The following BCAS3 variants were observed in gnomAD, a reference collection of about 807,000 sequenced individuals.
BCAS3 encodes the protein BCAS3 microtubule associated cell migration factor.
Under a neutral mutation model 116.1 loss-of-function variants are expected in BCAS3, and 53 were observed. The ratio of observed to expected loss-of-function variants is 0.46; its 90% CI spans 0.37 to 0.57. The LOEUF (loss-of-function observed/expected upper bound fraction) is 0.57. Among genes scored for constraint, BCAS3 ranks in the 20% least tolerant of loss-of-function variants. BCAS3 has a pLI of 0.00. For missense variants in BCAS3, 917 were observed against 1,165.4 expected (o/e 0.79, Z 3.10); for synonymous variants, 391 against 408.2 (o/e 0.96, Z 0.51).
intron 14 of BCAS3, among the ~76,000 whole-genome samples, chr17:60,959,102 C>G (rs1443369201): frequency 6.6e-6 from 1 of 151,862 alleles, no homozygotes; most frequent in African/African-American, 2.4e-5. Flanking sequence ...CCCAGGAGTT[C>G]AAGACCAGAC....
Position 61,368,233 on chromosome 17 carries a change from CCTGGG to C in BCAS3, c.2426-93_2426-89del. The C allele has an allele frequency of 7.3e-7, 1 of 1,368,198 alleles. No individual in the cohort carries two copies. The highest frequency in any genetic ancestry group is 9.9e-7 in the Non-Finnish European group (1 of 1,005,504). The allele number at this position is 1,368,198 out of a possible 1,614,324, so 84.8% of individuals were successfully genotyped here. The stretch of plus-strand genomic sequence containing the variant: ...ATCCTACAGGAAGGCTACAATGGAC[CCTGGG>C]TATGGAGAGGAGCGGGTGGGAGGTA... On this transcript the variant is annotated intron_variant, in intron 22 of 23. Coordinates refer to ENST00000407086, the MANE Select transcript of BCAS3 (RefSeq NM_017679.5). The surrounding 1 kb of genome is among the most constrained non-coding windows in gnomAD (Gnocchi z 6.0).
At chr17:60,810,228 G>A in intron 7 of BCAS3, 1 of 435,770 alleles carries the variant, frequency 2.3e-6, no homozygotes. Flanking sequence ...CTGTGCAGGT[G>A]CCCAGCTATG....
rs907760673 is a variant in BCAS3, at chr17:61,325,044, A to G, written c.2426-43283A>G. Among the ~76,000 whole-genome samples, 1 of 152,156 alleles carries G rather than the reference A, an allele frequency of 6.6e-6. No individual in the cohort carries two copies. Among genetic ancestry groups the G allele is most frequent in the Non-Finnish European group, 1.5e-5 (1 of 68,032 alleles). ...CACTGAAAATTCTTCTCTTAAAACC[A>G]TTTCCACTAGAGGCCATCCCACCAT... On this transcript the variant is annotated intron_variant, in intron 22 of 23. Coordinates refer to ENST00000407086, the MANE Select transcript of BCAS3 (RefSeq NM_017679.5). The surrounding 1 kb of genome is among the most constrained non-coding windows in gnomAD (Gnocchi z 6.4).
chr17:60,949,712 C>T (rs987345857), intron 14 of BCAS3, among the ~76,000 whole-genome samples: 1 of 152,154 alleles, frequency 6.6e-6, no homozygotes, highest in Non-Finnish European at 1.5e-5. Context: ...TGGGAACATT[C>T]TAAATCCAAT....
rs373837874 is a variant in BCAS3, at chr17:61,272,636, CAAAAAAAAAAA to C, written c.2426-95670_2426-95660del. On this transcript the variant is annotated intron_variant, in intron 22 of 23. Coordinates refer to ENST00000407086, the MANE Select transcript of BCAS3 (RefSeq NM_017679.5). Reference sequence around the variant, plus strand: ...CTGGTGACAGAGTGAAACCCTGTCTCAAAAAAAAAAAAAAAAAAAAAAAAAAAAAAAGCAAT... The same window carrying C: ...CTGGTGACAGAGTGAAACCCTGTCTCAAAAAAAAAAAAAAAAAAAAGCAAT... 5.1e-3 allele frequency among the ~76,000 whole-genome samples: 240 copies of C among 47,392 alleles called. 2 individuals carry two copies. In the East Asian group the frequency reaches 0.063, roughly 12 times the overall value. 31.1% of individuals were successfully genotyped at this position (47,392 alleles called of 152,430 possible).
chr17:60,793,756 T>C (rs1015643332), intron 6 of BCAS3, among the ~76,000 whole-genome samples: 1 of 152,212 alleles, frequency 6.6e-6, no homozygotes, highest in African/African-American at 2.4e-5. Context: ...GGCTCAGGAA[T>C]ATTCCATCAT....
chr17:61,042,912 A>AAAAAAAAAAAAAAAAAAAG (rs1555682974), intron 19 of BCAS3, among the ~76,000 whole-genome samples: 1 of 143,704 alleles, frequency 7.0e-6, no homozygotes, highest in African/African-American at 2.7e-5. Flanking sequence ...AAAAAAAAAA[A>AAAAAAAAAAAAAAAAAAAG]AAAGAAAGAA....
intron 8 of BCAS3, among the ~76,000 whole-genome samples, chr17:60,870,966 T>TTTGATAATTTGCC (rs1188996608): frequency 2.0e-5 from 3 of 152,354 alleles, no homozygotes; most frequent in Middle Eastern, 3.4e-3. Context: ...TAGCACAAGT[T>TTTGATAATTTGCC]TTGATAATTT....
Position 61,160,183 on chromosome 17 carries a change from G to GTT in BCAS3, c.2425+75629_2425+75630dup, listed in dbSNP as rs5821308. 3.6e-3 allele frequency among the ~76,000 whole-genome samples: 524 copies of GTT among 146,192 alleles called. 9 individuals are homozygous for GTT. Among genetic ancestry groups the GTT allele is most frequent in the Admixed American group, 0.021 (307 of 14,814 alleles). On this transcript the variant is annotated intron_variant, in intron 22 of 23. Transcript: ENST00000407086. ...GCTTTTTATCATTTAAAGCAGGGTG[G>GTT]TTTTTTTTTTTGCAGAATTTTTGCA...
chr17:60,726,088 T>G (rs958009663), intron 5 of BCAS3, among the ~76,000 whole-genome samples: 1 of 148,810 alleles, frequency 6.7e-6, no homozygotes, highest in Non-Finnish European at 1.5e-5. Flanking sequence ...GGAGACAGGG[T>G]TTCTCCATGT....
At chr17:60,968,282 C>T (rs751199002) in intron 14 of BCAS3, among the ~76,000 whole-genome samples, 5 of 152,102 alleles carry the variant, frequency 3.3e-5, no homozygotes, top group African/African-American at 4.8e-5. Context: ...GTGGTGCAGT[C>T]ATTGCTCACT....
In BCAS3 at chr17:61,259,668, G is replaced by A. The variant is rs572608538; in HGVS notation, c.2426-108659G>A. Among the ~76,000 whole-genome samples the A allele has an allele frequency of 5.3e-4, 81 of 152,276 alleles. No individual in the cohort carries two copies. Among genetic ancestry groups the A allele is most frequent in the African/African-American group, 1.8e-3 (75 of 41,566 alleles). ...TTCCATCAACCTACTTTCAAGAAGAGGCTCATGTTCTGGTTCCAGGGCACC... is the reference window on the plus strand; with the variant it reads ...TTCCATCAACCTACTTTCAAGAAGAAGCTCATGTTCTGGTTCCAGGGCACC... On this transcript the variant is annotated intron_variant, in intron 22 of 23. Transcript: ENST00000407086. The surrounding 1 kb of genome is among the most constrained non-coding windows in gnomAD (Gnocchi z 4.7).
chr17:60,992,698 A>G (rs1378569469), intron 15 of BCAS3, among the ~76,000 whole-genome samples: 1 of 152,228 alleles, frequency 6.6e-6, no homozygotes, highest in Non-Finnish European at 1.5e-5. Flanking sequence ...AACAATGCTT[A>G]TATTTCAAAA....
rs375183346 is a variant in BCAS3, at chr17:61,078,332, G to C, written c.2131-1G>C. ...AAATCATCATTGCTACTCCATTCCA[G>C]GTTGAAATTGTAACACACACTGGAC... On this transcript the variant is annotated splice_acceptor_variant, in intron 20 of 23. Coordinates refer to ENST00000407086, the MANE Select transcript of BCAS3 (RefSeq NM_017679.5). LOFTEE classifies it high-confidence loss of function. 1 of 1,610,696 alleles carries C rather than the reference G, an allele frequency of 6.2e-7. No homozygotes were observed. Among genetic ancestry groups the C allele is most frequent in the African/African-American group, 1.3e-5 (1 of 74,810 alleles).
At chr17:61,250,861 C>G (rs554368206) in intron 22 of BCAS3, among the ~76,000 whole-genome samples, 125 of 152,310 alleles carry the variant, frequency 8.2e-4, no homozygotes, top group African/African-American at 2.9e-3. Context: ...CCCAAGGACT[C>G]TATCAGTCTG....
rs200194324 is a variant in BCAS3 at position 61,028,601 on chromosome 17, A to G, written c.1638-6065A>G. ...GCATAGAAGTAAAAGATGGAATAAC[A>G]ACTGTTGTATGTTAAGTAAGTAAAG... On this transcript the variant is annotated intron_variant, in intron 16 of 23. Transcript: ENST00000407086. This position sits in a 1 kb window ranked among gnomAD's most constrained non-coding sequence, Gnocchi z 4.3. 6.6e-6 allele frequency among the ~76,000 whole-genome samples: 1 copy of G among 151,936 alleles called. No homozygotes were observed. The highest frequency in any genetic ancestry group is 2.4e-5 in the African/African-American group (1 of 41,436).
chr17:61,217,507 C>A lies in BCAS3; in HGVS notation c.2425+132943C>A, dbSNP rs1055982027. On this transcript the variant is annotated intron_variant, in intron 22 of 23. Coordinates refer to ENST00000407086, the MANE Select transcript of BCAS3 (RefSeq NM_017679.5). The surrounding 1 kb of genome is among the most constrained non-coding windows in gnomAD (Gnocchi z 5.2). ...CCCAGTAATGTAAATTATAGGAAAT[C>A]TTTCTTGAACAAGATAAACAGGAAC... Among the ~76,000 whole-genome samples, 2 of 152,094 alleles carry A rather than the reference C, an allele frequency of 1.3e-5. No individual in the cohort carries two copies. Among genetic ancestry groups the A allele is most frequent in the Non-Finnish European group, 2.9e-5 (2 of 68,012 alleles).
Position 61,217,263 on chromosome 17 carries a change from A to G in BCAS3, c.2425+132699A>G, listed in dbSNP as rs7504110. Among the ~76,000 whole-genome samples, 2 of 152,300 alleles carry G rather than the reference A, an allele frequency of 1.3e-5. No individual in the cohort carries two copies. The highest frequency in any genetic ancestry group is 1.3e-4 in the Admixed American group (2 of 15,302). On this transcript the variant is annotated intron_variant, in intron 22 of 23. Coordinates refer to ENST00000407086, the MANE Select transcript of BCAS3 (RefSeq NM_017679.5). The surrounding 1 kb of genome is among the most constrained non-coding windows in gnomAD (Gnocchi z 5.2). Reference sequence around the variant, plus strand: ...GTGCCACTGCACTCCAGCCTGAGTGACAGAGCAAGACTCCATCTCAAATAA... The same window carrying G: ...GTGCCACTGCACTCCAGCCTGAGTGGCAGAGCAAGACTCCATCTCAAATAA...
intron 23 of BCAS3, among the ~76,000 whole-genome samples, chr17:61,372,258 G>A (rs551640854): frequency 8.5e-5 from 13 of 152,306 alleles, no homozygotes; most frequent in Non-Finnish European, 1.6e-4. Context: ...GCCTAGCGCA[G>A]TGTCTGCAAT....
Sources: gnomAD v4.1 joint callset for allele counts (sites outside exome capture counted in the v4.1 genomes callset) on GRCh38, gnomAD v4.1.1 for gene constraint, Gnocchi (gnomAD v3.1) non-coding constraint, MANE v1.5 for transcripts, NCBI Gene and HGNC (gene_info 2026-07-23, HGNC 2026-07-21) for gene names.